Variants in TUT4 observed in about 807,000 individuals in gnomAD.
TUT4 encodes the protein terminal uridylyltransferase 4.
A neutral mutation model predicts 192.2 loss-of-function variants in TUT4; 36 were observed. The observed-to-expected ratio is 0.19, with a 90% CI of 0.14 to 0.25. The LOEUF (loss-of-function observed/expected upper bound fraction) is 0.25, where lower values mean the gene tolerates loss of function less well. Among genes scored for constraint, TUT4 ranks in the 10% least tolerant of loss-of-function variants. The pLI, the probability that TUT4 is intolerant of heterozygous loss-of-function variation, is 1.00. For synonymous variants in TUT4, 618 were observed against 666.0 expected (o/e 0.93, Z 1.11); for missense variants, 1,493 against 1,957.2 (o/e 0.76, Z 4.47).
In TUT4 at chr1:52,424,245, G is replaced by GA; in HGVS notation, c.4871-244dup. On this transcript the variant is annotated intron_variant, in intron 29 of 29. Transcript: ENST00000257177. ...GGAATCAAAGGGAAAAAACCCACTA[G>GA]AAAAGAGTTGCAGACTCTCCCCTCC... is the stretch of plus-strand genomic sequence containing the variant. 5.1e-5 allele frequency: 25 copies of GA among 487,204 alleles called. 1 individual carries two copies. The South Asian group carries it at 5.8e-4, about 11-fold the overall frequency. The allele number at this position is 487,204 out of a possible 1,614,324, so 30.2% of individuals were successfully genotyped here. A position where few individuals can be genotyped will look rare whatever the true frequency, so the allele number is the denominator to read the frequency against.
At position 52,446,395 on chromosome 1, in the gene TUT4, C is replaced by A; in HGVS notation, c.3561G>T (p.Glu1187Asp). Residue 1187 changes from glutamate (E) to aspartate (D), a missense_variant, in exon 22 of 30, where the codon GAG becomes GAT. Glu to Asp is a conservative substitution (Grantham distance 45, BLOSUM62 2). Transcript: ENST00000257177. ...SLGKNTESLG[E>D]LWLGLLRFYT... ...AGAAACGAAGCAGTCCCAGCCAAAG[C>A]TCCCCTAATGATTCTGTGTTCTTTC... is the stretch of plus-strand genomic sequence containing the variant. 6.2e-7 allele frequency: 1 copy of A among 1,612,808 alleles called. No homozygotes were observed.
intron 16 of TUT4, chr1:52,462,724 C>T: frequency 1.0e-6 from 1 of 984,038 alleles, no homozygotes; most frequent in Non-Finnish European, 1.2e-6. Context: ...GAAAGATACT[C>T]CTATTATCAC....
At chr1:52,448,610 A>AAAAAAAAAAG (rs1658336013) in intron 20 of TUT4, among the ~76,000 whole-genome samples, 1 of 151,200 alleles carries the variant, frequency 6.6e-6, no homozygotes, top group African/African-American at 2.4e-5. Flanking sequence ...AAAAAAAAAA[A>AAAAAAAAAAG]AAAGAGGCAA....
intron 3 of TUT4, among the ~76,000 whole-genome samples, chr1:52,512,698 C>CTTG (rs1378795795): frequency 6.6e-6 from 1 of 152,078 alleles, no homozygotes; most frequent in African/African-American, 2.4e-5. Flanking sequence ...AAATCTTTAC[C>CTTG]TTTCTGCAAA....
At position 52,526,037 on chromosome 1, in the gene TUT4, C is replaced by G. The variant is rs767043515; in HGVS notation, c.244G>C (p.Gly82Arg). The change falls in exon 2 of 30, where the codon GGT becomes CGT. Residue 82 changes from glycine to arginine, a missense_variant. Physicochemically the swap from Gly to Arg is moderately radical, Grantham distance 125. Transcript: ENST00000257177. ...AGGACTAACCCCAAATCTTTAGGAC[C>G]TGGAAGGTTGGCAGCATTTACTTTA... ...SCKVNAANLP[G>R]PKDLGLVLRD... The G allele has an allele frequency of 3.7e-6, 6 of 1,612,710 alleles. No individual in the cohort carries two copies. The highest frequency in any genetic ancestry group is 5.1e-6 in the Non-Finnish European group (6 of 1,179,568).
rs1657441695 is a variant in TUT4 at position 52,446,069 on chromosome 1, G to A, written c.3692-65C>T. 4.7e-6 allele frequency: 7 copies of A among 1,482,752 alleles called. 1 individual carries two copies. In the South Asian group the frequency reaches 5.0e-5, roughly 10 times the overall value. The allele number at this position is 1,482,752 out of a possible 1,614,324, so 91.8% of individuals were successfully genotyped here. ...CTGTACCATAAAAATATACTTAGAA[G>A]TCACCGCTGAAGTCTAATACTTATA... On this transcript the variant is annotated intron_variant, in intron 22 of 29. Transcript: ENST00000257177.
chr1:52,443,565 G>A (rs1210061980), intron 24 of TUT4, among the ~76,000 whole-genome samples: 2 of 151,872 alleles, frequency 1.3e-5, no homozygotes, highest in Non-Finnish European at 2.9e-5. Context: ...CTCCAGCCTG[G>A]GCAACAAGAG....
intron 9 of TUT4, among the ~76,000 whole-genome samples, chr1:52,483,152 A>G (rs1397767483): frequency 2.0e-5 from 3 of 152,256 alleles, no homozygotes; most frequent in South Asian, 4.1e-4. Context: ...GTAGTATCTG[A>G]TGGTTACTTT....
At chr1:52,480,709 A>T (rs1483933087) in intron 11 of TUT4, among the ~76,000 whole-genome samples, 2 of 152,336 alleles carry the variant, frequency 1.3e-5, no homozygotes, top group East Asian at 3.9e-4. Context: ...GAGACTGAAT[A>T]CGCAAGTGAA....
chr1:52,481,394 AGCC>A (rs765393278), intron 11 of TUT4, 26 bp downstream of exon 11: 274 of 1,606,008 alleles, frequency 1.7e-4, no homozygotes, highest in Middle Eastern at 5.0e-4. Flanking sequence ...CAGATAGAAA[AGCC>A]AAAAAACAAA....
intron 29 of TUT4, chr1:52,425,118 A>G: frequency 2.6e-6 from 1 of 386,088 alleles, no homozygotes; most frequent in Non-Finnish European, 4.5e-6. Flanking sequence ...TAACTGATTC[A>G]TCTAAACTCC....
chr1:52,465,962 T>G (rs1348314707), intron 15 of TUT4, among the ~76,000 whole-genome samples: 2 of 152,042 alleles, frequency 1.3e-5, no homozygotes, highest in Admixed American at 6.5e-5. Context: ...TACACTACAG[T>G]CTTGAACTCC....
chr1:52,441,906 C>G (rs1655717320), intron 24 of TUT4, among the ~76,000 whole-genome samples: 1 of 152,026 alleles, frequency 6.6e-6, no homozygotes, highest in African/African-American at 2.4e-5. Context: ...AGGTGGCTCA[C>G]ACCTGTAATC....
chr1:52,545,998 G>A (rs1313277252), intron 1 of TUT4, among the ~76,000 whole-genome samples: 1 of 150,430 alleles, frequency 6.6e-6, no homozygotes, highest in Non-Finnish European at 1.5e-5. Flanking sequence ...AATTGGCCAG[G>A]TGTGGTCGCA....
intron 25 of TUT4, 113 bp downstream of exon 25, chr1:52,438,107 T>A (rs1439054041): frequency 1.3e-6 from 1 of 752,546 alleles, no homozygotes; most frequent in Non-Finnish European, 2.2e-6. Flanking sequence ...TTACCTTAGG[T>A]ATAATTAAAT....
intron 4 of TUT4, among the ~76,000 whole-genome samples, chr1:52,503,773 C>T (rs75129537): frequency 6.6e-6 from 1 of 152,076 alleles, no homozygotes; most frequent in Non-Finnish European, 1.5e-5. Flanking sequence ...CATCTTGAAA[C>T]TTTCCTTTCT....
rs1338515678 is a variant in TUT4, at chr1:52,435,370, C to G, written c.4258G>C (p.Glu1420Gln). Residue 1420 changes from glutamate (E) to glutamine (Q), a missense_variant, in exon 27 of 30, where the codon GAA becomes CAA. By Grantham distance (29) the Glu-to-Gln change is conservative. Transcript: ENST00000257177. Reference protein sequence around the residue: ...DQSIRTRQSSECSESPSYSPQ... With the variant: ...DQSIRTRQSSQCSESPSYSPQ... ...TTCACAGGCAGAGTACTTACACATT[C>G]TGATGACTGTCTAGTCCTTATGGAC... 1 of 1,613,412 alleles carries G rather than the reference C, an allele frequency of 6.2e-7. No individual in the cohort carries two copies. The highest frequency in any genetic ancestry group is 8.5e-7 in the Non-Finnish European group (1 of 1,179,588).
In TUT4 at chr1:52,479,419, G is replaced by C. The variant is rs144576435; in HGVS notation, c.1849-1537C>G. On this transcript the variant is annotated intron_variant, in intron 11 of 29. Transcript: ENST00000257177. ...GGCTATAGTAGTATCCCAGGCCAGAGATGATGGTGGCTAGGACCAGGAAGG... is the reference window on the plus strand; with the variant it reads ...GGCTATAGTAGTATCCCAGGCCAGACATGATGGTGGCTAGGACCAGGAAGG... 9.2e-5 allele frequency among the ~76,000 whole-genome samples: 14 copies of C among 152,302 alleles called. No homozygotes were observed. In the East Asian group the frequency reaches 2.7e-3, roughly 29 times the overall value.
At chr1:52,544,186 G>T (rs1303919917) in intron 1 of TUT4, among the ~76,000 whole-genome samples, 1 of 152,020 alleles carries the variant, frequency 6.6e-6, no homozygotes, top group Non-Finnish European at 1.5e-5. Flanking sequence ...TACTCGGGAG[G>T]CTGAGGCAGG....
Sources: allele counts gnomAD v4.1 joint callset (sites outside exome capture counted in the v4.1 genomes callset), GRCh38; gene constraint gnomAD v4.1.1; transcripts MANE v1.5; gene names NCBI Gene and HGNC (gene_info 2026-07-23, HGNC 2026-07-21).